Variants in RAD51B observed in about 807,000 individuals in gnomAD.
RAD51B encodes the protein DNA repair protein RAD51 homolog 2.
Under a neutral mutation model 42.2 loss-of-function variants are expected in RAD51B, and 38 were observed. The ratio of observed to expected loss-of-function variants is 0.90; its 90% CI spans 0.70 to 1.18. RAD51B has a LOEUF of 1.18. RAD51B is among the 50% of genes most tolerant of loss of function. The pLI is 0.00. For missense variants in RAD51B, 373 were observed against 400.7 expected, an observed-to-expected ratio of 0.93 and a Z score of 0.59; for synonymous variants, 154 against 145.2, an observed-to-expected ratio of 1.06 and a Z score of -0.43.
intron 9 of RAD51B, among the ~76,000 whole-genome samples, chr14:68,425,128 T>C (rs533924337): frequency 6.6e-6 from 1 of 152,318 alleles, no homozygotes; most frequent in East Asian, 1.9e-4. Flanking sequence ...CCCCTCTGTG[T>C]AGGGGATCTT....
At chr14:68,246,752 T>C (rs554398469) in intron 7 of RAD51B, among the ~76,000 whole-genome samples, 1 of 152,330 alleles carries the variant, frequency 6.6e-6, no homozygotes, top group East Asian at 1.9e-4. Flanking sequence ...AGTTCTTTTC[T>C]TGGCATTGTT....
chr14:68,118,204 A>C (rs1036884276), intron 7 of RAD51B, among the ~76,000 whole-genome samples: 1 of 152,222 alleles, frequency 6.6e-6, no homozygotes, highest in Non-Finnish European at 1.5e-5. Flanking sequence ...AGTTCCCTCT[A>C]ATGTTAACAT....
At chr14:68,208,106 A>T (rs960753041) in intron 7 of RAD51B, among the ~76,000 whole-genome samples, 1 of 95,200 alleles carries the variant, frequency 1.1e-5, no homozygotes, top group Non-Finnish European at 2.1e-5. Flanking sequence ...GAATCGATAT[A>T]CAGTATAATA....
chr14:68,052,912 C>T (rs949513491), intron 7 of RAD51B, among the ~76,000 whole-genome samples: 7 of 151,984 alleles, frequency 4.6e-5, no homozygotes, highest in African/African-American at 1.4e-4. Context: ...AGATTACAAA[C>T]GTGAGCCACC....
chr14:68,568,993 C>G (rs984689434), intron 10 of RAD51B, among the ~76,000 whole-genome samples: 1 of 152,216 alleles, frequency 6.6e-6, no homozygotes, highest in Non-Finnish European at 1.5e-5. Flanking sequence ...TGGGCTTCCA[C>G]AATGCATGGT....
At chr14:68,515,408 C>T (rs1440598931) in intron 10 of RAD51B, among the ~76,000 whole-genome samples, 1 of 150,002 alleles carries the variant, frequency 6.7e-6, no homozygotes, top group Admixed American at 6.6e-5. Context: ...GACATATGGA[C>T]CAATAATTTC....
intron 7 of RAD51B, among the ~76,000 whole-genome samples, chr14:68,246,971 G>C (rs1021623266): frequency 2.6e-5 from 4 of 152,160 alleles, no homozygotes; most frequent in African/African-American, 9.7e-5. Flanking sequence ...ACTTAATGCT[G>C]TCTTTTCTAT....
At chr14:67,924,823 C>A (rs193031392) in intron 7 of RAD51B, among the ~76,000 whole-genome samples, 1 of 152,282 alleles carries the variant, frequency 6.6e-6, no homozygotes, top group East Asian at 1.9e-4. Flanking sequence ...CATGCCTTCC[C>A]AAAAGTCCCC....
At chr14:68,026,770 G>A (rs2075963369) in intron 7 of RAD51B, among the ~76,000 whole-genome samples, 2 of 151,894 alleles carry the variant, frequency 1.3e-5, no homozygotes, top group Admixed American at 6.6e-5. Context: ...AACAGCAGAC[G>A]GTTGAGTCCT....
intron 7 of RAD51B, among the ~76,000 whole-genome samples, chr14:67,995,432 A>G (rs1426876760): frequency 1.3e-5 from 2 of 151,884 alleles, no homozygotes; most frequent in African/African-American, 4.8e-5. Flanking sequence ...GAACACACTC[A>G]CAATAGGATA....
chr14:68,222,472 G>A (rs2079949207), intron 7 of RAD51B, among the ~76,000 whole-genome samples: 1 of 152,174 alleles, frequency 6.6e-6, no homozygotes, highest in African/African-American at 2.4e-5. Context: ...TGGGAGCTAA[G>A]CTAGGAGGAC....
chr14:68,112,900 A>G (rs576581395), intron 7 of RAD51B, among the ~76,000 whole-genome samples: 6 of 152,284 alleles, frequency 3.9e-5, no homozygotes, highest in African/African-American at 1.2e-4. Context: ...CTTGCTACGT[A>G]GAAAATTTAC....
intron 10 of RAD51B, among the ~76,000 whole-genome samples, chr14:68,528,442 C>T (rs891035140): frequency 1.4e-4 from 22 of 152,178 alleles, no homozygotes; most frequent in African/African-American, 5.3e-4. Context: ...ACCTCAAGTA[C>T]ACTTTAAAAG....
intron 7 of RAD51B, among the ~76,000 whole-genome samples, chr14:68,111,726 G>T (rs181907748): frequency 2.0e-5 from 3 of 152,006 alleles, no homozygotes; most frequent in African/African-American, 7.2e-5. Context: ...ACCATCTTGG[G>T]CAGGTTGCCA....
chr14:68,065,205 A>G (rs1356175889), intron 7 of RAD51B, among the ~76,000 whole-genome samples: 1 of 152,062 alleles, frequency 6.6e-6, no homozygotes, highest in Non-Finnish European at 1.5e-5. Context: ...TGTAGTCTCC[A>G]TGCAGTTTCT....
chr14:67,953,725 T>A (rs1041458218), intron 7 of RAD51B, among the ~76,000 whole-genome samples: 1 of 152,224 alleles, frequency 6.6e-6, no homozygotes, highest in African/African-American at 2.4e-5. Flanking sequence ...CATGATTGTA[T>A]GTGGGAAGTG....
Position 68,158,480 on chromosome 14 carries a change from A to G in RAD51B, c.757-133404A>G, listed in dbSNP as rs557525438. Among the ~76,000 whole-genome samples the G allele has an allele frequency of 3.3e-5, 5 of 152,356 alleles. No homozygotes were observed. The East Asian group carries it at 9.6e-4, about 29-fold the overall frequency. On this transcript the variant is annotated intron_variant, in intron 7 of 10. Coordinates refer to ENST00000471583, the MANE Select transcript of RAD51B (RefSeq NM_133510.4). ...TACTTTTTGCTGTCTTCTTTAGGTA[A>G]GCTGAACCAACTAAAGAGTGGCCTT...
At chr14:68,477,114 G>C (rs899954246) in intron 10 of RAD51B, among the ~76,000 whole-genome samples, 2 of 152,188 alleles carry the variant, frequency 1.3e-5, no homozygotes, top group Admixed American at 6.5e-5. Flanking sequence ...TGGAACAAAG[G>C]GTGTGAGGCA....
chr14:68,357,233 G>A (rs990929499), intron 8 of RAD51B, among the ~76,000 whole-genome samples: 4 of 152,092 alleles, frequency 2.6e-5, no homozygotes, highest in Non-Finnish European at 4.4e-5. Context: ...CATCTCAAGA[G>A]ACCACTTTCT....
Sources: gnomAD v4.1 joint callset for allele counts (sites outside exome capture counted in the v4.1 genomes callset) on GRCh38, gnomAD v4.1.1 for gene constraint, MANE v1.5 for transcripts, NCBI Gene and HGNC (gene_info 2026-07-23, HGNC 2026-07-21) for gene names.